Variants in PRAMEF17 observed in about 807,000 individuals in gnomAD.
The protein encoded by PRAMEF17 is PRAME family member 17.
Under a neutral mutation model 36.8 loss-of-function variants are expected in PRAMEF17, and 48 were observed. That is an observed-to-expected ratio of 1.30 (90% CI 1.03 to 1.66). The LOEUF is 1.66. PRAMEF17 is among the 40% of genes most tolerant of loss of function. The pLI, the probability that PRAMEF17 is intolerant of heterozygous loss-of-function variation, is 0.00. For synonymous variants in PRAMEF17, 246 were observed against 220.4 expected, an observed-to-expected ratio of 1.12 and a Z score of -1.03; for missense variants, 639 against 560.6, an observed-to-expected ratio of 1.14 and a Z score of -1.41.
Position 13,390,555 on chromosome 1 carries a change from T to C in PRAMEF17, c.502T>C (p.Cys168Arg). 6.2e-7 allele frequency: 1 copy of C among 1,611,994 alleles called. No individual in the cohort carries two copies. Among genetic ancestry groups the C allele is most frequent in the Non-Finnish European group, 8.5e-7 (1 of 1,179,866 alleles). Residue 168 changes from cysteine to arginine, a missense_variant, in exon 2 of 3, where the codon TGC becomes CGC. Transcript: ENST00000376098. ...ACTGGATGAATGCCTGAGCTACCTC[T>C]GCAGGTGGATCCACTACAGAAGAGG... ...STLDECLSYLCRWIHYRRGLV... is the reference protein window; with the variant it reads ...STLDECLSYLRRWIHYRRGLV...
chr1:13,392,569 A>C lies in PRAMEF17; in HGVS notation c.*67A>C, dbSNP rs1478899179. ...CCTTAGGCACTAAAATCTAGGACAC[A>C]GGTGGGTTTTTTTGTTTTTTTGTTT... On this transcript the variant is annotated 3_prime_UTR_variant, in exon 3 of 3. Coordinates refer to ENST00000376098, the MANE Select transcript of PRAMEF17 (RefSeq NM_001099851.3). 1.9e-6 allele frequency: 3 copies of C among 1,583,038 alleles called. No individual in the cohort carries two copies. Among genetic ancestry groups the C allele is most frequent in the Non-Finnish European group, 2.6e-6 (3 of 1,170,146 alleles).
chr1:13,391,963 G>C lies in PRAMEF17; in HGVS notation c.886G>C (p.Gly296Arg). The change falls in exon 3 of 3, where the codon GGA becomes CGA. Residue 296 changes from glycine to arginine, a missense_variant. Gly to Arg is a moderately radical substitution (Grantham distance 125). Coordinates refer to ENST00000376098, the MANE Select transcript of PRAMEF17 (RefSeq NM_001099851.3). The part of the protein sequence containing the change: ...HLLRCLKNPL[G>R]TFIFCHAYLA... ...CCCCAGGTGCCTCAAGAACCCCTTG[G>C]GAACCTTTATATTCTGTCATGCTTA... 1.2e-6 allele frequency: 2 copies of C among 1,611,350 alleles called. No individual in the cohort carries two copies. Among genetic ancestry groups the C allele is most frequent in the African/African-American group, 2.7e-5 (2 of 74,906 alleles).
rs1395825584 is a variant in PRAMEF17, at chr1:13,390,757, G to T, written c.704G>T (p.Arg235Leu). 2.5e-6 allele frequency: 4 copies of T among 1,611,974 alleles called. No individual in the cohort carries two copies. Among genetic ancestry groups the T allele is most frequent in the South Asian group, 1.1e-5 (1 of 90,986 alleles). ...TACTTGAGCCAGATGAGCAATCTTC[G>T]CAAACTCTTTTTAGCCTTCGGTTAT... ...APYLSQMSNL[R>L]KLFLAFGYDD... is the part of the protein sequence containing the mutation. The change falls in exon 2 of 3, where the codon CGC becomes CTC. Residue 235 changes from arginine to leucine, a missense_variant. Physicochemically the swap from Arg to Leu is moderately radical, Grantham distance 102. Coordinates refer to ENST00000376098, the MANE Select transcript of PRAMEF17 (RefSeq NM_001099851.3).
chr1:13,390,302 T>G, intron 1 of PRAMEF17, 39 bp from the exon 2 acceptor site: 2 of 1,611,902 alleles, frequency 1.2e-6, no homozygotes, highest in Non-Finnish European at 1.7e-6. Flanking sequence ...GGGTGGGTCT[T>G]TGCCTACATT....
In PRAMEF17 at chr1:13,392,543, C is replaced by T. The variant is rs778982840; in HGVS notation, c.*41C>T. 1.9e-6 allele frequency: 3 copies of T among 1,609,936 alleles called. No homozygotes were observed. Among genetic ancestry groups the T allele is most frequent in the Non-Finnish European group, 8.5e-7 (1 of 1,179,352 alleles). ...TGGGATGGATATGCTTTCTTCAGGA[C>T]CCTTAGGCACTAAAATCTAGGACAC... On this transcript the variant is annotated 3_prime_UTR_variant, in exon 3 of 3. Transcript: ENST00000376098.
chr1:13,392,349 T>C lies in PRAMEF17; in HGVS notation c.1272T>C (p.His424=), dbSNP rs1269504288. ...APLECLDNRG[H]VNWEILAPIR... is the part of the protein sequence containing the mutation. ...TGGAGTGTCTTGACAACAGGGGTCATGTCAATTGGGAGATCCTCGCCCCAA... is the reference window on the plus strand; with the variant it reads ...TGGAGTGTCTTGACAACAGGGGTCACGTCAATTGGGAGATCCTCGCCCCAA... The change falls in exon 3 of 3, where the codon CAT becomes CAC. Residue 424 remains histidine, a synonymous_variant. Coordinates refer to ENST00000376098, the MANE Select transcript of PRAMEF17 (RefSeq NM_001099851.3). 1.9e-6 allele frequency: 3 copies of C among 1,611,952 alleles called. No individual in the cohort carries two copies. The highest frequency in any genetic ancestry group is 2.2e-5 in the East Asian group (1 of 44,872).
In PRAMEF17 at chr1:13,390,338, C is replaced by T. The variant is rs776538148; in HGVS notation, c.288-3C>T. On this transcript the variant is annotated splice_region_variant and splice_polypyrimidine_tract_variant and intron_variant, in intron 1 of 2. Transcript: ENST00000376098. ...CTGAGCTTTTCCCCTATGTTACTCACAGGAGGTGGAAACTTCAAGTGCTGG... is the reference window on the plus strand; with the variant it reads ...CTGAGCTTTTCCCCTATGTTACTCATAGGAGGTGGAAACTTCAAGTGCTGG... 9.9e-6 allele frequency: 16 copies of T among 1,611,972 alleles called. No individual in the cohort carries two copies. The highest frequency in any genetic ancestry group is 3.3e-5 in the South Asian group (3 of 90,988).
chr1:13,392,359 G>T lies in PRAMEF17; in HGVS notation c.1282G>T (p.Glu428Ter), dbSNP rs1197732840. ...TGACAACAGGGGTCATGTCAATTGG[G>T]AGATCCTCGCCCCAATTCGGGCTGA... Reference protein sequence around the residue: ...CLDNRGHVNWEILAPIRAELM... With the variant: ...CLDNRGHVNW The change falls in exon 3 of 3, where the codon GAG becomes TAG. Residue 428 changes from glutamate (E) to a stop codon, truncating the protein, a stop_gained. Transcript: ENST00000376098. LOFTEE classifies it high-confidence loss of function. The T allele has an allele frequency of 1.2e-6, 2 of 1,611,964 alleles. No homozygotes were observed. Among genetic ancestry groups the T allele is most frequent in the East Asian group, 4.5e-5 (2 of 44,866 alleles).
In PRAMEF17 at chr1:13,390,360, C is replaced by T. The variant is rs1357696022; in HGVS notation, c.307C>T (p.Leu103=). Residue 103 remains leucine, a synonymous_variant, in exon 2 of 3, where the codon CTG becomes TTG. Transcript: ENST00000376098. ...LRPRRWKLQV[L]DLRDVDGNFW... ...TCACAGGAGGTGGAAACTTCAAGTG[C>T]TGGATTTGCGGGATGTTGATGGGAA... 9 of 1,611,798 alleles carry T rather than the reference C, an allele frequency of 5.6e-6. No homozygotes were observed. Among genetic ancestry groups the T allele is most frequent in the Non-Finnish European group, 7.6e-6 (9 of 1,179,854 alleles).
rs761684676 is a variant in PRAMEF17, at chr1:13,392,308, T to A, written c.1231T>A (p.Leu411Met). Residue 411 changes from leucine to methionine, a missense_variant, in exon 3 of 3, where the codon TTG becomes ATG. Physicochemically the swap from Leu to Met is conservative, Grantham distance 15. Transcript: ENST00000376098. ...TGGLSKLGLE[L>M]YPAPLECLDN... ...TGGGCTGAGCAAGTTAGGTCTGGAG[T>A]TGTATCCTGCCCCTCTGGAGTGTCT... 6.6e-5 allele frequency: 106 copies of A among 1,611,802 alleles called. No homozygotes were observed. The highest frequency in any genetic ancestry group is 5.4e-4 in the East Asian group (24 of 44,858).
In PRAMEF17 at chr1:13,389,837, C is replaced by T; in HGVS notation, c.180C>T (p.Pro60=). 2 of 1,613,668 alleles carry T rather than the reference C, an allele frequency of 1.2e-6. No homozygotes were observed. Among genetic ancestry groups the T allele is most frequent in the East Asian group, 2.2e-5 (1 of 44,862 alleles). ...EALKLMVQAW[P]FLRLPLGSLM... ...TGAAGCTGATGGTGCAGGCCTGGCCCTTCCTCCGCCTCCCTCTGGGATCCC... is the reference window on the plus strand; with the variant it reads ...TGAAGCTGATGGTGCAGGCCTGGCCTTTCCTCCGCCTCCCTCTGGGATCCC... The change falls in exon 1 of 3, where the codon CCC becomes CCT. Residue 60 remains proline, a synonymous_variant. Coordinates refer to ENST00000376098, the MANE Select transcript of PRAMEF17 (RefSeq NM_001099851.3).
At position 13,392,250 on chromosome 1, in the gene PRAMEF17, G is replaced by A. The variant is rs746055770; in HGVS notation, c.1173G>A (p.Thr391=). ...TFYFRGNETS[T]NALKDLLCHT... is the part of the protein sequence containing the mutation. The stretch of plus-strand genomic sequence containing the variant: ...ACTTTCGCGGAAATGAGACCTCCAC[G>A]AATGCTCTGAAAGACCTGCTGTGTC... Residue 391 remains threonine, a synonymous_variant, in exon 3 of 3, where the codon ACG becomes ACA. Transcript: ENST00000376098. 50 of 1,611,844 alleles carry A rather than the reference G, an allele frequency of 3.1e-5. No homozygotes were observed. Among genetic ancestry groups the A allele is most frequent in the East Asian group, 8.9e-5 (4 of 44,880 alleles).
Position 13,392,049 on chromosome 1 carries a change from G to A in PRAMEF17, c.972G>A (p.Glu324=), listed in dbSNP as rs1640892051. ...SQYPSLSQLK[E]LHLIHILMWT... ...ACCCAAGCCTCAGTCAGCTAAAGGAGCTGCATCTGATTCATATCCTAATGT... is the reference window on the plus strand; with the variant it reads ...ACCCAAGCCTCAGTCAGCTAAAGGAACTGCATCTGATTCATATCCTAATGT... Residue 324 remains glutamate, a synonymous_variant, in exon 3 of 3, where the codon GAG becomes GAA. Transcript: ENST00000376098. 6.2e-7 allele frequency: 1 copy of A among 1,611,878 alleles called. No individual in the cohort carries two copies.
rs764756498 is a variant in PRAMEF17 at position 13,392,463 on chromosome 1, A to G, written c.1386A>G (p.Ser462=). The G allele has an allele frequency of 4.3e-6, 7 of 1,611,890 alleles. No homozygotes were observed. Among genetic ancestry groups the G allele is most frequent in the East Asian group, 2.2e-5 (1 of 44,890 alleles). Residue 462 remains serine (S), a synonymous_variant, in exon 3 of 3, where the codon TCA becomes TCG. Coordinates refer to ENST00000376098, the MANE Select transcript of PRAMEF17 (RefSeq NM_001099851.3). ...FGPIPCPSCG[S]WPSEKVDFHL... is the part of the protein sequence containing the mutation. ...CCATCCCCTGCCCTTCCTGTGGCTC[A>G]TGGCCATCTGAGAAAGTGGACTTCC...
Position 13,392,115 on chromosome 1 carries a change from A to T in PRAMEF17, c.1038A>T (p.Lys346Asn). Residue 346 changes from lysine (K) to asparagine (N), a missense_variant, in exon 3 of 3, where the codon AAA becomes AAT. By Grantham distance (94) the Lys-to-Asn change is moderately conservative. Coordinates refer to ENST00000376098, the MANE Select transcript of PRAMEF17 (RefSeq NM_001099851.3). ...NLEPLGALLE[K>N]VAATLEILTL... is the part of the protein sequence containing the mutation. ...AGCCCCTTGGAGCTCTGCTAGAGAA[A>T]GTTGCTGCTACTCTCGAGATCCTCA... 2.5e-6 allele frequency: 4 copies of T among 1,611,874 alleles called. No individual in the cohort carries two copies.
chr1:13,392,245 T>G lies in PRAMEF17; in HGVS notation c.1168T>G (p.Ser390Ala). Residue 390 changes from serine to alanine, a missense_variant, in exon 3 of 3, where the codon TCC becomes GCC. Transcript: ENST00000376098. ...TTFYFRGNET[S>A]TNALKDLLCH... ...CTTCTACTTTCGCGGAAATGAGACCTCCACGAATGCTCTGAAAGACCTGCT... is the reference window on the plus strand; with the variant it reads ...CTTCTACTTTCGCGGAAATGAGACCGCCACGAATGCTCTGAAAGACCTGCT... 1 of 1,611,978 alleles carries G rather than the reference T, an allele frequency of 6.2e-7. No homozygotes were observed. The highest frequency in any genetic ancestry group is 2.2e-5 in the East Asian group (1 of 44,868).
At position 13,390,742 on chromosome 1, in the gene PRAMEF17, A is replaced by G. The variant is rs1187874910; in HGVS notation, c.689A>G (p.Gln230Arg). The change falls in exon 2 of 3, where the codon CAG (glutamine) becomes CGG (arginine). Residue 230 changes from glutamine to arginine, a missense_variant. Coordinates refer to ENST00000376098, the MANE Select transcript of PRAMEF17 (RefSeq NM_001099851.3). ...GGAAAGTTTGCCCCTTACTTGAGCC[A>G]GATGAGCAATCTTCGCAAACTCTTT... Reference protein sequence around the residue: ...KTGKFAPYLSQMSNLRKLFLA... With the variant: ...KTGKFAPYLSRMSNLRKLFLA... 3 of 1,612,014 alleles carry G rather than the reference A, an allele frequency of 1.9e-6. No homozygotes were observed. The highest frequency in any genetic ancestry group is 1.3e-5 in the African/African-American group (1 of 74,986).
At position 13,391,866 on chromosome 1, in the gene PRAMEF17, G is replaced by C; in HGVS notation, c.867-78G>C. ...CAGAATTACTCAATGCCCACTTCAA[G>C]TTTACCATTGAGATGATTTCCCACC... On this transcript the variant is annotated intron_variant, in intron 2 of 2. Coordinates refer to ENST00000376098, the MANE Select transcript of PRAMEF17 (RefSeq NM_001099851.3). 5.1e-6 allele frequency: 8 copies of C among 1,576,720 alleles called. No individual in the cohort carries two copies. In the South Asian group the frequency reaches 9.2e-5, roughly 18 times the overall value.
intron 2 of PRAMEF17, among the ~76,000 whole-genome samples, chr1:13,391,165 C>T (rs1640875353): frequency 6.6e-6 from 1 of 152,014 alleles, no homozygotes; most frequent in Non-Finnish European, 1.5e-5. Flanking sequence ...ATGCAGGGAG[C>T]TAGTTAGTCA....
Sources: allele counts gnomAD v4.1 joint callset (sites outside exome capture counted in the v4.1 genomes callset), GRCh38; gene constraint gnomAD v4.1.1; transcripts MANE v1.5; gene names NCBI Gene and HGNC (gene_info 2026-07-23, HGNC 2026-07-21).